The following SLX4IP variants were observed in gnomAD, a reference collection of about 807,000 sequenced individuals.
SLX4IP encodes the protein protein SLX4IP.
In SLX4IP, 34 loss-of-function variants were observed where a neutral mutation model predicts 32.9. The observed-to-expected ratio is 1.03, with a 90% CI of 0.79 to 1.38. The LOEUF (loss-of-function observed/expected upper bound fraction) is 1.38, where lower values mean the gene tolerates loss of function less well. SLX4IP is among the 40% of genes most tolerant of loss of function. SLX4IP has a pLI of 0.00. For synonymous variants in SLX4IP, 172 were observed against 171.7 expected, an observed-to-expected ratio of 1.00 and a Z score of -0.01; for missense variants, 444 against 479.0, an observed-to-expected ratio of 0.93 and a Z score of 0.68.
At chr20:10,571,092 G>A (rs539774715) in intron 4 of SLX4IP, among the ~76,000 whole-genome samples, 10 of 152,232 alleles carry the variant, frequency 6.6e-5, no homozygotes, top group South Asian at 2.1e-4. Flanking sequence ...CTCAGCCTCC[G>A]AAAGTGTTGG....
intron 1 of SLX4IP, among the ~76,000 whole-genome samples, chr20:10,436,517 C>T (rs1200709806): frequency 2.0e-5 from 3 of 152,050 alleles, no homozygotes; most frequent in African/African-American, 4.8e-5. Flanking sequence ...CCACCACCCC[C>T]GGCTAATTTT....
intron 2 of SLX4IP, among the ~76,000 whole-genome samples, chr20:10,506,224 T>C (rs982997090): frequency 3.3e-5 from 5 of 152,238 alleles, no homozygotes; most frequent in Admixed American, 6.5e-5. Context: ...TGTAGTTGAC[T>C]TCCAAACTTG....
At chr20:10,505,050 A>ACATG (rs2065747632) in intron 2 of SLX4IP, among the ~76,000 whole-genome samples, 11 of 152,224 alleles carry the variant, frequency 7.2e-5, no homozygotes, top group Admixed American at 6.5e-4. Context: ...GGGAAGTGGC[A>ACATG]TTTCGTGTTG....
At chr20:10,524,066 C>CCTAA (rs1177109729) in intron 2 of SLX4IP, among the ~76,000 whole-genome samples, 1 of 152,154 alleles carries the variant, frequency 6.6e-6, no homozygotes, top group Non-Finnish European at 1.5e-5. Flanking sequence ...GGCTCATGAC[C>CCTAA]CTAAGACTCT....
At chr20:10,447,062 G>A (rs765749800) in intron 1 of SLX4IP, among the ~76,000 whole-genome samples, 18 of 152,096 alleles carry the variant, frequency 1.2e-4, no homozygotes, top group Non-Finnish European at 2.1e-4. Flanking sequence ...TAACCCATCT[G>A]TAATTGATTT....
intron 2 of SLX4IP, among the ~76,000 whole-genome samples, chr20:10,460,536 C>T (rs1038338220): frequency 1.2e-4 from 18 of 152,176 alleles, no homozygotes; most frequent in Non-Finnish European, 2.2e-4. Context: ...TTCTCATCCA[C>T]GTGCCTGTTC....
chr20:10,512,663 G>A (rs6077822), intron 2 of SLX4IP, among the ~76,000 whole-genome samples: 5 of 137,828 alleles, frequency 3.6e-5, no homozygotes, highest in African/African-American at 1.1e-4. Context: ...TTTATATATA[G>A]TATATATATT....
chr20:10,618,728 T>C (rs1392317033), intron 6 of SLX4IP, among the ~76,000 whole-genome samples: 1 of 152,212 alleles, frequency 6.6e-6, no homozygotes, highest in Non-Finnish European at 1.5e-5. Context: ...TGAAAAGTAG[T>C]AGGGTTGTCC....
intron 2 of SLX4IP, among the ~76,000 whole-genome samples, chr20:10,499,454 T>C (rs940534359): frequency 5.3e-5 from 8 of 152,212 alleles, no homozygotes; most frequent in African/African-American, 1.9e-4. Flanking sequence ...GTTAAACATA[T>C]TGGTTGTAAA....
chr20:10,619,001 T>A (rs2067073485), intron 6 of SLX4IP, among the ~76,000 whole-genome samples: 1 of 152,106 alleles, frequency 6.6e-6, no homozygotes, highest in African/African-American at 2.4e-5. Context: ...GGGGAGTTAA[T>A]TGACCCTAGA....
intron 2 of SLX4IP, among the ~76,000 whole-genome samples, chr20:10,550,086 T>A (rs1340238132): frequency 6.6e-6 from 1 of 152,214 alleles, no homozygotes; most frequent in Admixed American, 6.5e-5. Flanking sequence ...CCTTCTCATC[T>A]TCTTGACTCT....
chr20:10,460,279 C>A (rs1415245445), intron 2 of SLX4IP, among the ~76,000 whole-genome samples: 1 of 152,148 alleles, frequency 6.6e-6, no homozygotes, highest in Non-Finnish European at 1.5e-5. Context: ...GAAATGTTTT[C>A]ATTATGTATT....
Position 10,627,186 on chromosome 20 carries a change from C to T in SLX4IP, c.*3807C>T, listed in dbSNP as rs77192079. On this transcript the variant is annotated 3_prime_UTR_variant, in exon 8 of 8. Transcript: ENST00000334534. ...ATGCCTTTCCTAAGAACTCAAAGTTCTCTTTTCAGCGTGCTGTGACTTGAA... is the reference window on the plus strand; with the variant it reads ...ATGCCTTTCCTAAGAACTCAAAGTTTTCTTTTCAGCGTGCTGTGACTTGAA... 5 of 152,312 alleles carry T rather than the reference C, an allele frequency of 3.3e-5. No homozygotes were observed. In the East Asian group the frequency reaches 9.6e-4, roughly 29 times the overall value. The allele number at this position is 152,312 out of a possible 1,614,324, so 9.4% of individuals were successfully genotyped here.
intron 2 of SLX4IP, among the ~76,000 whole-genome samples, chr20:10,539,292 C>T (rs1173193087): frequency 6.6e-6 from 1 of 152,138 alleles, no homozygotes; most frequent in Non-Finnish European, 1.5e-5. Flanking sequence ...GGAAATATTA[C>T]CTGCTCCTCA....
intron 3 of SLX4IP, among the ~76,000 whole-genome samples, chr20:10,560,156 GGGGCT>G (rs2066315448): frequency 2.6e-5 from 4 of 152,156 alleles, no homozygotes; most frequent in Admixed American, 2.6e-4. Flanking sequence ...AAAACCATGG[GGGGCT>G]GCTTGCTGTT....
intron 1 of SLX4IP, among the ~76,000 whole-genome samples, chr20:10,450,041 C>A (rs753640977): frequency 2.0e-5 from 3 of 152,018 alleles, no homozygotes; most frequent in African/African-American, 2.4e-5. Context: ...ATCACAGTAA[C>A]CTCACTGTAA....
intron 1 of SLX4IP, among the ~76,000 whole-genome samples, chr20:10,436,799 G>A (rs910752136): frequency 6.6e-6 from 1 of 152,112 alleles, no homozygotes; most frequent in African/African-American, 2.4e-5. Context: ...CGTCAATTTA[G>A]CTTTCCAAAA....
rs928987602 is a variant in SLX4IP at position 10,543,360 on chromosome 20, C to T, written c.28-12871C>T. Among the ~76,000 whole-genome samples, 7 of 152,154 alleles carry T rather than the reference C, an allele frequency of 4.6e-5. No individual in the cohort carries two copies. The East Asian group carries it at 1.2e-3, about 25-fold the overall frequency. The stretch of plus-strand genomic sequence containing the variant: ...AAGTTGTAGATGTCTATTTGACTCC[C>T]AAGTGGAGATGCACAGTAGGCAATT... On this transcript the variant is annotated intron_variant, in intron 2 of 7. Coordinates refer to ENST00000334534, the MANE Select transcript of SLX4IP (RefSeq NM_001009608.3).
At chr20:10,583,401 G>T (rs1252141244) in intron 4 of SLX4IP, among the ~76,000 whole-genome samples, 10 of 152,238 alleles carry the variant, frequency 6.6e-5, no homozygotes, top group African/African-American at 2.4e-4. Flanking sequence ...ATTGCACTCG[G>T]TTGATTATCT....
Sources: gnomAD v4.1 joint callset for allele counts (sites outside exome capture counted in the v4.1 genomes callset) on GRCh38, gnomAD v4.1.1 for gene constraint, MANE v1.5 for transcripts, NCBI Gene and HGNC (gene_info 2026-07-23, HGNC 2026-07-21) for gene names.